The following ZNF790 variants were observed in gnomAD, a reference collection of about 807,000 sequenced individuals.
ZNF790 encodes the protein zinc finger protein 790.
In ZNF790, 8 loss-of-function variants were observed where a neutral mutation model predicts 12.1. The observed-to-expected ratio is 0.66, with a 90% CI of 0.39 to 1.19. ZNF790 has a LOEUF of 1.19. ZNF790 is among the 50% of genes most tolerant of loss of function. ZNF790 has a pLI of 0.01. For missense variants in ZNF790, 707 were observed against 752.2 expected (o/e 0.94, Z 0.70); for synonymous variants, 252 against 244.3 (o/e 1.03, Z -0.29).
At chr19:36,839,407 G>T (rs1185689949), upstream of ZNF790, among the ~76,000 whole-genome samples, 3 of 152,090 alleles carry the variant, frequency 2.0e-5, no homozygotes, top group Non-Finnish European at 2.9e-5. Context: ...TTGTTTGTTT[G>T]TTGTTTTTTT....
intron 2 of ZNF790, among the ~76,000 whole-genome samples, chr19:36,824,504 C>T (rs1257119701): frequency 9.2e-5 from 14 of 151,898 alleles, no homozygotes; most frequent in Non-Finnish European, 1.8e-4. Flanking sequence ...GACAGGGTTT[C>T]GCAATGTTGG....
chr19:36,836,643 G>A (rs1600669481), intron 1 of ZNF790, among the ~76,000 whole-genome samples: 1 of 151,476 alleles, frequency 6.6e-6, no homozygotes, highest in East Asian at 1.9e-4. Context: ...TGTAGTCCCA[G>A]CTACTCGGGA....
chr19:36,823,846 A>G, intron 2 of ZNF790, 56 bp from the exon 3 acceptor site: 1 of 1,504,580 alleles, frequency 6.6e-7, no homozygotes, highest in Non-Finnish European at 9.0e-7. Flanking sequence ...AATAATTATA[A>G]TCCCTATAGA....
exon 1 of ZNF790, chr19:36,850,257 C>A (rs2146103149): frequency 6.6e-6 from 1 of 152,408 alleles, no homozygotes; most frequent in South Asian, 2.1e-4. Flanking sequence ...TTGGGCCCAT[C>A]TATCCCCGGC....
intron 1 of ZNF790, among the ~76,000 whole-genome samples, chr19:36,844,333 C>CAAAAAAAAAAAA (rs34420002): frequency 1.6e-5 from 2 of 128,380 alleles, no homozygotes; most frequent in Non-Finnish European, 1.7e-5. Context: ...AAACAAAAAA[C>CAAAAAAAAAAAA]AAAAAAAAAA....
intron 1 of ZNF790, among the ~76,000 whole-genome samples, chr19:36,847,398 G>A (rs2072190062): frequency 6.6e-6 from 1 of 152,040 alleles, no homozygotes. Flanking sequence ...TTGTTCTTTT[G>A]TCCTTGGTTA....
At chr19:36,840,309 C>G (rs569786481), upstream of ZNF790, among the ~76,000 whole-genome samples, 31 of 152,172 alleles carry the variant, frequency 2.0e-4, no homozygotes, top group African/African-American at 7.2e-4. Context: ...CTGGGAGGCT[C>G]ACAGTGAAGT....
At chr19:36,840,662 C>A (rs1406401080), upstream of ZNF790, among the ~76,000 whole-genome samples, 1 of 152,170 alleles carries the variant, frequency 6.6e-6, no homozygotes, top group African/African-American at 2.4e-5. Flanking sequence ...GGGAACCAAT[C>A]TGAAATTCAA....
rs150762446 is a variant in ZNF790 at position 36,847,011 on chromosome 19, C to T, written c.-74+2991G>A. ...TTATCCATGCCCATGGTTCTTGGTT[C>T]ATGGGTCCTAAAACCCTTGTAGTTT... On this transcript the variant is annotated intron_variant, in intron 1 of 4. Transcript: ENST00000528994. Among the ~76,000 whole-genome samples, 632 of 151,992 alleles carry T rather than the reference C, an allele frequency of 4.2e-3. 4 individuals are homozygous for T. Among genetic ancestry groups the T allele is most frequent in the Middle Eastern group, 0.037 (11 of 294 alleles).
chr19:36,845,934 C>T (rs1406417192), intron 1 of ZNF790, among the ~76,000 whole-genome samples: 1 of 151,822 alleles, frequency 6.6e-6, no homozygotes, highest in East Asian at 2.0e-4. Flanking sequence ...TCAGCCTACC[C>T]AGTAGCTGGG....
intron 1 of ZNF790, among the ~76,000 whole-genome samples, chr19:36,847,504 C>G (rs1285478879): frequency 1.3e-5 from 2 of 151,486 alleles, no homozygotes; most frequent in African/African-American, 2.4e-5. Flanking sequence ...AATCCCAGCA[C>G]TTTGGGAGGC....
At chr19:36,829,020 G>A (rs1158395503) in intron 1 of ZNF790, among the ~76,000 whole-genome samples, 1 of 152,164 alleles carries the variant, frequency 6.6e-6, no homozygotes, top group Non-Finnish European at 1.5e-5. Context: ...AAGTTTCTGT[G>A]AGCAGGAATG....
In ZNF790 at chr19:36,819,837, C is replaced by G. The variant is rs764419307; in HGVS notation, c.507G>C (p.Leu169=). 3.7e-6 allele frequency: 6 copies of G among 1,613,716 alleles called. No homozygotes were observed. The highest frequency in any genetic ancestry group is 5.1e-6 in the Non-Finnish European group (6 of 1,179,782). The change falls in exon 5 of 5, where the codon CTG becomes CTC. Residue 169 remains leucine (L), a synonymous_variant. Transcript: ENST00000356725. ...CTTTCCCCAGTTCTTTAAATTCATTCAGTTTGTCTCCTGTATTAAGTCTCT... is the reference window on the plus strand; with the variant it reads ...CTTTCCCCAGTTCTTTAAATTCATTGAGTTTGTCTCCTGTATTAAGTCTCT... ...LHQRLNTGDK[L]NEFKELGKAF...
chr19:36,841,623 A>AT (rs1221310347), upstream of ZNF790, among the ~76,000 whole-genome samples: 1 of 150,488 alleles, frequency 6.6e-6, no homozygotes, highest in African/African-American at 2.5e-5. Context: ...CCATCTCAAA[A>AT]AATATATATA....
At chr19:36,832,975 T>TA (rs763094890) in intron 1 of ZNF790, among the ~76,000 whole-genome samples, 38,076 of 134,530 alleles carry the variant, frequency 0.28, 5,496 homozygotes, top group Non-Finnish European at 0.33. Context: ...AGACCTTCTC[T>TA]AAAAAAAAAA....
At position 36,819,582 on chromosome 19, in the gene ZNF790, A is replaced by G. The variant is rs751570169; in HGVS notation, c.762T>C (p.Phe254=). ...AGGCTTTCCCACAATCCTTACATTT[A>G]AAAGGTTTCTCACCGGTATGAATTC... ...HKRIHTGEKP[F]KCKDCGKAFR... Residue 254 remains phenylalanine, a synonymous_variant, in exon 5 of 5, where the codon TTT becomes TTC. Transcript: ENST00000356725. 9.5e-5 allele frequency: 153 copies of G among 1,610,528 alleles called. No homozygotes were observed. Among genetic ancestry groups the G allele is most frequent in the Non-Finnish European group, 1.3e-4 (149 of 1,178,206 alleles).
chr19:36,838,374 ATCTT>A lies in ZNF790; in HGVS notation c.-115_-112del, dbSNP rs2072095140. 1 of 152,372 alleles carries A rather than the reference ATCTT, an allele frequency of 6.6e-6. No individual in the cohort carries two copies. Among genetic ancestry groups the A allele is most frequent in the African/African-American group, 2.4e-5 (1 of 41,566 alleles). The allele number at this position is 152,372 out of a possible 1,614,324, so 9.4% of individuals were successfully genotyped here. ...TCCCTTGATGGTGGAAGGTTCCGCG[ATCTT>A]TCTATTAACCCTAAAGGGACAGAGG... On this transcript the variant is annotated 5_prime_UTR_variant, in exon 1 of 5. Transcript: ENST00000356725. This position sits in a 1 kb window ranked among gnomAD's most constrained non-coding sequence, Gnocchi z 4.4.
intron 4 of ZNF790, 101 bp downstream of exon 4, chr19:36,823,184 G>T (rs1335382733): frequency 7.4e-6 from 8 of 1,075,160 alleles, no homozygotes; most frequent in Non-Finnish European, 1.1e-5. Context: ...GTCTTAAGGG[G>T]ATATTCCAGA....
chr19:36,829,344 A>G (rs2071898241), intron 1 of ZNF790, among the ~76,000 whole-genome samples: 1 of 152,138 alleles, frequency 6.6e-6, no homozygotes, highest in South Asian at 2.1e-4. Context: ...TTCTGACTCT[A>G]TGGATTTTCC....
Sources: allele counts gnomAD v4.1 joint callset (sites outside exome capture counted in the v4.1 genomes callset), GRCh38; gene constraint gnomAD v4.1.1; non-coding constraint Gnocchi (gnomAD v3.1); transcripts MANE v1.5; gene names NCBI Gene and HGNC (gene_info 2026-07-23, HGNC 2026-07-21).